Variants in SLIT3 observed in about 807,000 individuals in gnomAD.
SLIT3 encodes the protein slit homolog 3 protein.
Under a neutral mutation model 184.0 loss-of-function variants are expected in SLIT3, and 68 were observed. The observed-to-expected ratio is 0.37, with a 90% CI of 0.30 to 0.45. The LOEUF (loss-of-function observed/expected upper bound fraction) is 0.45. SLIT3 is among the 20% of genes least tolerant of loss of function. The pLI, the probability that SLIT3 is intolerant of heterozygous loss-of-function variation, is 1.00. For missense variants in SLIT3, 1,707 were observed against 2,026.0 expected, an observed-to-expected ratio of 0.84 and a Z score of 3.02; for synonymous variants, 831 against 828.6, an observed-to-expected ratio of 1.00 and a Z score of -0.05.
At chr5:168,873,090 G>A (rs769283582) in intron 5 of SLIT3, among the ~76,000 whole-genome samples, 1 of 152,094 alleles carries the variant, frequency 6.6e-6, no homozygotes, top group Non-Finnish European at 1.5e-5. Context: ...TGTATCTGCT[G>A]TTTCCTTCCA....
intron 4 of SLIT3, among the ~76,000 whole-genome samples, chr5:169,174,865 A>T (rs960958085): frequency 2.6e-5 from 4 of 152,192 alleles, no homozygotes; most frequent in African/African-American, 7.2e-5. Context: ...GAAGCTCAAC[A>T]AAGACGAATG....
intron 10 of SLIT3, among the ~76,000 whole-genome samples, chr5:168,793,398 C>T (rs944535536): frequency 2.0e-5 from 3 of 152,162 alleles, no homozygotes; most frequent in African/African-American, 7.2e-5. Context: ...AGGGACCCTA[C>T]CTCTCCCAAA....
chr5:169,042,965 T>A (rs532017677), intron 4 of SLIT3, among the ~76,000 whole-genome samples: 1 of 152,258 alleles, frequency 6.6e-6, no homozygotes, highest in South Asian at 2.1e-4. Flanking sequence ...AACAAAAGGG[T>A]GTTTACTGGC....
intron 4 of SLIT3, among the ~76,000 whole-genome samples, chr5:168,979,398 G>A (rs1443676265): frequency 3.3e-5 from 5 of 152,142 alleles, no homozygotes; most frequent in Admixed American, 6.6e-5. Flanking sequence ...GTCTTGGCTG[G>A]GGTACCACTG....
chr5:168,812,705 A>C (rs1029916933), intron 8 of SLIT3, among the ~76,000 whole-genome samples: 1 of 152,244 alleles, frequency 6.6e-6, no homozygotes, highest in African/African-American at 2.4e-5. Context: ...AATTATGATG[A>C]GAATATAAAT....
intron 9 of SLIT3, among the ~76,000 whole-genome samples, chr5:168,796,231 G>A (rs1159049944): frequency 1.3e-5 from 2 of 152,126 alleles, no homozygotes; most frequent in East Asian, 3.9e-4. Context: ...ACCTCTTATG[G>A]AGTTTCCTGA....
chr5:168,761,259 C>T (rs1428604974), intron 15 of SLIT3, among the ~76,000 whole-genome samples: 1 of 152,154 alleles, frequency 6.6e-6, no homozygotes, highest in Non-Finnish European at 1.5e-5. Flanking sequence ...ATACCAATGA[C>T]AACTTAAAAC....
chr5:169,098,842 T>C (rs1561663734), intron 4 of SLIT3, among the ~76,000 whole-genome samples: 1 of 152,172 alleles, frequency 6.6e-6, no homozygotes, highest in African/African-American at 2.4e-5. Context: ...CAAAGGAGCA[T>C]TCCTTGAGAA....
intron 4 of SLIT3, among the ~76,000 whole-genome samples, chr5:168,977,719 A>C (rs1754815783): frequency 6.6e-6 from 1 of 151,350 alleles, no homozygotes. Flanking sequence ...TAGATGCCCC[A>C]CCCCATAGTC....
chr5:169,207,485 G>A (rs918532202), intron 3 of SLIT3, among the ~76,000 whole-genome samples: 1 of 151,850 alleles, frequency 6.6e-6, no homozygotes, highest in African/African-American at 2.4e-5. Flanking sequence ...GATGAACAGA[G>A]GTAGTTACCT....
At chr5:168,960,469 C>G (rs1054645556) in intron 4 of SLIT3, among the ~76,000 whole-genome samples, 1 of 152,192 alleles carries the variant, frequency 6.6e-6, no homozygotes, top group African/African-American at 2.4e-5. Context: ...CCTTTACATG[C>G]AGAGGAAGCT....
chr5:168,861,987 G>A (rs1875972), intron 5 of SLIT3, among the ~76,000 whole-genome samples: 56,237 of 151,994 alleles, frequency 0.37, 11,179 homozygotes, highest in African/African-American at 0.53. Flanking sequence ...TAATGGGGCC[G>A]TAGGAGATGT....
chr5:169,118,484 G>A (rs148542600), intron 4 of SLIT3, among the ~76,000 whole-genome samples: 7 of 152,186 alleles, frequency 4.6e-5, no homozygotes, highest in East Asian at 1.9e-4. Flanking sequence ...CCAAGAAAGC[G>A]AAAGAAAATT....
At chr5:168,916,913 T>C (rs547077054) in intron 4 of SLIT3, among the ~76,000 whole-genome samples, 1 of 152,258 alleles carries the variant, frequency 6.6e-6, no homozygotes, top group African/African-American at 2.4e-5. Context: ...AACACCAAAA[T>C]GCTGCACACC....
intron 29 of SLIT3, among the ~76,000 whole-genome samples, chr5:168,687,916 C>A (rs1761795934): frequency 6.6e-6 from 1 of 152,228 alleles, no homozygotes; most frequent in Non-Finnish European, 1.5e-5. Flanking sequence ...AGGCCCTGCA[C>A]ACCAATCTGG....
chr5:168,771,393 G>T (rs1755545429), intron 14 of SLIT3, among the ~76,000 whole-genome samples: 1 of 152,118 alleles, frequency 6.6e-6, no homozygotes, highest in Non-Finnish European at 1.5e-5. Flanking sequence ...ATGCTGTGTG[G>T]TGTGAGGACC....
At chr5:169,067,560 C>T (rs530927588) in intron 4 of SLIT3, among the ~76,000 whole-genome samples, 15 of 152,350 alleles carry the variant, frequency 9.8e-5, no homozygotes, top group Admixed American at 3.3e-4. Flanking sequence ...CAGTCCAATG[C>T]TGATGTTGCG....
chr5:168,776,266 G>T (rs576725093), intron 12 of SLIT3, among the ~76,000 whole-genome samples: 2 of 152,154 alleles, frequency 1.3e-5, no homozygotes, highest in South Asian at 2.1e-4. Context: ...TGCACCCCGC[G>T]TGCAGGCAAG....
chr5:168,996,619 CCAA>C (rs1755518832), intron 4 of SLIT3, among the ~76,000 whole-genome samples: 1 of 152,170 alleles, frequency 6.6e-6, no homozygotes, highest in African/African-American at 2.4e-5. Context: ...ATTTCGATCC[CCAA>C]CAACTCTTGG....
Sources: gnomAD v4.1 joint callset for allele counts (sites outside exome capture counted in the v4.1 genomes callset) on GRCh38, gnomAD v4.1.1 for gene constraint, MANE v1.5 for transcripts, NCBI Gene and HGNC (gene_info 2026-07-23, HGNC 2026-07-21) for gene names.